The following ARRB2 variants were observed in gnomAD, a reference collection of about 807,000 sequenced individuals.
The protein encoded by ARRB2 is beta-arrestin-2.
Under a neutral mutation model 53.4 loss-of-function variants are expected in ARRB2, and 21 were observed. The ratio of observed to expected loss-of-function variants is 0.39; its 90% confidence interval spans 0.28 to 0.57. The LOEUF is 0.57. ARRB2 is among the 20% of genes least tolerant of loss of function. The probability of loss-of-function intolerance (pLI) is 0.55; values close to 1 mark genes in which losing one functional copy is unlikely to be tolerated. For missense variants in ARRB2, 369 were observed against 527.5 expected (o/e 0.70, Z 2.94); for synonymous variants, 180 against 212.9 (o/e 0.85, Z 1.34).
In ARRB2 at chr17:4,720,233, A is replaced by T. The variant is rs1915553048; in HGVS notation, c.935A>T (p.Asn312Ile). ...ASSTIVKEGA[N>I]KEVLGILVSY... ...AATTGCAGCGTGAAGGAGGGTGCCA[A>T]CAAGGAGGTGCTGGGAATCCTGGTG... Residue 312 changes from asparagine (N) to isoleucine (I), a missense_variant, in exon 12 of 15, where the codon AAC becomes ATC. By Grantham distance (149) the Asn-to-Ile change is moderately radical. Transcript: ENST00000269260. 1 of 1,613,572 alleles carries T rather than the reference A, an allele frequency of 6.2e-7. No individual in the cohort carries two copies. The highest frequency in any genetic ancestry group is 8.5e-7 in the Non-Finnish European group (1 of 1,179,762).
At chr17:4,713,970 C>A (rs567456408) in intron 1 of ARRB2, among the ~76,000 whole-genome samples, 5 of 152,254 alleles carry the variant, frequency 3.3e-5, no homozygotes, top group African/African-American at 1.2e-4. Context: ...TCTCAAAAAA[C>A]AGAGTATTAC....
At chr17:4,720,109 G>A in intron 11 of ARRB2, 107 bp from the exon 12 acceptor site, 2 of 1,154,386 alleles carry the variant, frequency 1.7e-6, no homozygotes, top group East Asian at 2.6e-5. Flanking sequence ...GGGCCCTGGG[G>A]GCCTGTGCGA....
chr17:4,715,162 C>T lies in ARRB2; in HGVS notation c.54+119C>T, dbSNP rs916272553. ...TCCCCAACCCCTAGCTCCCCACTTC[C>T]TGTGACAGCTAAGCGCCGACTTCCT... On this transcript the variant is annotated intron_variant, in intron 2 of 14. Transcript: ENST00000269260. 3.4e-6 allele frequency: 4 copies of T among 1,182,782 alleles called. No homozygotes were observed. The African/African-American group carries it at 4.6e-5, about 14-fold the overall frequency. 73.3% of individuals were successfully genotyped at this position (1,182,782 alleles called of 1,614,324 possible).
chr17:4,718,181 T>A, intron 8 of ARRB2, 80 bp from the exon 9 acceptor site: 1 of 1,547,028 alleles, frequency 6.5e-7, no homozygotes, highest in East Asian at 2.3e-5. Flanking sequence ...GCCAGAACAA[T>A]GTGTCTGTGT....
chr17:4,720,899 C>G, intron 14 of ARRB2, 47 bp from the exon 15 acceptor site: 1 of 1,585,250 alleles, frequency 6.3e-7, no homozygotes, highest in African/African-American at 1.3e-5. Context: ...GAGGCTGGGA[C>G]AAGAGTCAGA....
At position 4,721,318 on chromosome 17, in the gene ARRB2, A is replaced by G. The variant is rs920349551; in HGVS notation, c.*279A>G. The G allele has an allele frequency of 4.3e-6, 2 of 462,590 alleles. No individual in the cohort carries two copies. The highest frequency in any genetic ancestry group is 7.6e-6 in the Non-Finnish European group (2 of 261,796). The allele number at this position is 462,590 out of a possible 1,614,324, so 28.7% of individuals were successfully genotyped here. On this transcript the variant is annotated 3_prime_UTR_variant, in exon 15 of 15. Coordinates refer to ENST00000269260, the MANE Select transcript of ARRB2 (RefSeq NM_004313.4). The surrounding 1 kb of genome is among the most constrained non-coding windows in gnomAD (Gnocchi z 4.2). Reference sequence around the variant, plus strand: ...TCATACCTAAATTTTCTGGAAGGGGACAGTGAAAAGAGGAGTGACAGGAGG... The same window carrying G: ...TCATACCTAAATTTTCTGGAAGGGGGCAGTGAAAAGAGGAGTGACAGGAGG...
At position 4,716,641 on chromosome 17, in the gene ARRB2, G is replaced by C. The variant is rs766017360; in HGVS notation, c.357+33G>C. The C allele has an allele frequency of 3.9e-6, 6 of 1,546,086 alleles. No homozygotes were observed. The Admixed American group carries it at 9.8e-5, about 25-fold the overall frequency. ...TGCCCCTGCCCTCTGAGGGCCAGGGGGCTGGGGCTGGGACTGTGTCTGGGG... is the reference window on the plus strand; with the variant it reads ...TGCCCCTGCCCTCTGAGGGCCAGGGCGCTGGGGCTGGGACTGTGTCTGGGG... On this transcript the variant is annotated intron_variant, in intron 5 of 14. Coordinates refer to ENST00000269260, the MANE Select transcript of ARRB2 (RefSeq NM_004313.4).
At chr17:4,718,164 G>T (rs1372121290) in intron 8 of ARRB2, 97 bp from the exon 9 acceptor site, 2 of 1,543,636 alleles carry the variant, frequency 1.3e-6, no homozygotes, top group East Asian at 2.4e-5. Context: ...GGGTTTGAGG[G>T]GAGGGGGCCA....
Position 4,716,673 on chromosome 17 carries a change from T to C in ARRB2, c.357+65T>C, listed in dbSNP as rs1407567688. On this transcript the variant is annotated intron_variant, in intron 5 of 14. Coordinates refer to ENST00000269260, the MANE Select transcript of ARRB2 (RefSeq NM_004313.4). ...GCTGGGACTGTGTCTGGGGTGGGGG[T>C]AAGGCACTGCTGTGGGCAGATCTGG... The C allele has an allele frequency of 6.5e-6, 10 of 1,529,494 alleles. No homozygotes were observed. The Admixed American group carries it at 2.0e-4, about 31-fold the overall frequency. The allele number at this position is 1,529,494 out of a possible 1,614,324, so 94.7% of individuals were successfully genotyped here. A position where few individuals can be genotyped will look rare whatever the true frequency, so the allele number is the denominator to read the frequency against.
intron 2 of ARRB2, 27 bp from the exon 3 acceptor site, chr17:4,715,946 T>C: frequency 3.1e-6 from 5 of 1,613,914 alleles, no homozygotes; most frequent in Non-Finnish European, 4.2e-6. Flanking sequence ...CTCCCCAATC[T>C]CCCCTGTGAC....
At chr17:4,716,682 G>A (rs1233910620) in intron 5 of ARRB2, 74 bp downstream of exon 5, 3 of 1,514,524 alleles carry the variant, frequency 2.0e-6, no homozygotes, top group Non-Finnish European at 2.6e-6. Context: ...GTAAGGCACT[G>A]CTGTGGGCAG....
At position 4,716,524 on chromosome 17, in the gene ARRB2, G is replaced by GGCCCCCCCCCC; in HGVS notation, c.273_274insGCCCCCCCCCC (p.Pro92AlafsTer19). ...CCACCTACCAGGCCTTCCCCCCGGT[G>GGCCCCCCCCCC]CCCAACCCACCCCGGCCCCCCACCC... is the stretch of plus-strand genomic sequence containing the variant. On this transcript the variant is annotated frameshift_variant, in exon 5 of 15. Coordinates refer to ENST00000269260, the MANE Select transcript of ARRB2 (RefSeq NM_004313.4). LOFTEE classifies it high-confidence loss of function. 1 of 1,599,212 alleles carries GGCCCCCCCCCC rather than the reference G, an allele frequency of 6.3e-7. No homozygotes were observed.
intron 5 of ARRB2, chr17:4,716,873 C>T (rs1915122689): frequency 7.4e-6 from 5 of 671,750 alleles, no homozygotes; most frequent in Admixed American, 6.0e-5. Context: ...CTCGCTCTGT[C>T]GCCCAGGCTG....
chr17:4,713,824 C>T (rs965117162), intron 1 of ARRB2, among the ~76,000 whole-genome samples: 3 of 150,044 alleles, frequency 2.0e-5, no homozygotes, highest in Admixed American at 6.7e-5. Flanking sequence ...CATAGCCGGG[C>T]ATGGTGGCTC....
chr17:4,717,076 C>A lies in ARRB2; in HGVS notation c.358-141C>A, dbSNP rs1597481948. The A allele has an allele frequency of 1.0e-6, 1 of 966,942 alleles. No homozygotes were observed. Among genetic ancestry groups the A allele is most frequent in the Non-Finnish European group, 1.6e-6 (1 of 616,188 alleles). The allele number at this position is 966,942 out of a possible 1,614,324, so 59.9% of individuals were successfully genotyped here. On this transcript the variant is annotated intron_variant, in intron 5 of 14. Coordinates refer to ENST00000269260, the MANE Select transcript of ARRB2 (RefSeq NM_004313.4). The surrounding 1 kb of genome is among the most constrained non-coding windows in gnomAD (Gnocchi z 6.0). ...CTGGAACCCCTGACCTCAGGTGATC[C>A]GCCCACCTTAGCCTTCCAAAGTGTT...
At chr17:4,715,316 C>G in intron 2 of ARRB2, 1 of 484,922 alleles carries the variant, frequency 2.1e-6, no homozygotes, top group Non-Finnish European at 3.7e-6. Flanking sequence ...TGCCTGTAGC[C>G]CTCCTAGGAG....
At position 4,716,176 on chromosome 17, in the gene ARRB2, C is replaced by T; in HGVS notation, c.145C>T (p.Leu49=). Residue 49 remains leucine (L), a synonymous_variant, in exon 4 of 15, where the codon CTG becomes TTG. Transcript: ENST00000269260. ...CGTGGTGCTTGTGGACCCTGACTACCTGAAGGACCGCAAAGGTACTGGCCC... is the reference window on the plus strand; with the variant it reads ...CGTGGTGCTTGTGGACCCTGACTACTTGAAGGACCGCAAAGGTACTGGCCC... The part of the protein sequence containing the change: ...DGVVLVDPDY[L]KDRKVFVTLT... 3.7e-6 allele frequency: 6 copies of T among 1,614,150 alleles called. No homozygotes were observed. The highest frequency in any genetic ancestry group is 5.1e-6 in the Non-Finnish European group (6 of 1,180,036).
At chr17:4,718,397 G>A (rs1375371315) in intron 9 of ARRB2, 52 bp downstream of exon 9, 1 of 1,552,244 alleles carries the variant, frequency 6.4e-7, no homozygotes. Flanking sequence ...TACTGCACAG[G>A]TGGCTCCTGG....
intron 5 of ARRB2, 137 bp downstream of exon 5, chr17:4,716,745 C>G (rs1915103626): frequency 7.0e-7 from 1 of 1,422,506 alleles, no homozygotes; most frequent in African/African-American, 1.4e-5. Flanking sequence ...CTTCAGGGTC[C>G]CAGTGCATTC....
Sources: allele counts gnomAD v4.1 joint callset (sites outside exome capture counted in the v4.1 genomes callset), GRCh38; gene constraint gnomAD v4.1.1; non-coding constraint Gnocchi (gnomAD v3.1); transcripts MANE v1.5; gene names NCBI Gene and HGNC (gene_info 2026-07-23, HGNC 2026-07-21).